Variants in CLNK observed in about 807,000 individuals in gnomAD.
CLNK encodes the protein cytokine dependent hematopoietic cell linker.
CLNK carries 74 observed loss-of-function variants against 68.6 expected under a neutral mutation model. The ratio of observed to expected loss-of-function variants is 1.08; its 90% CI spans 0.89 to 1.31. The LOEUF (loss-of-function observed/expected upper bound fraction) is 1.31. CLNK is among the 50% of genes most tolerant of loss of function. The pLI is 0.00. For synonymous variants in CLNK, 198 were observed against 172.2 expected, an observed-to-expected ratio of 1.15 and a Z score of -1.17; for missense variants, 553 against 515.3, an observed-to-expected ratio of 1.07 and a Z score of -0.71.
chr4:10,491,710 G>A (rs1381750372), intron 18 of CLNK, among the ~76,000 whole-genome samples: 5 of 152,140 alleles, frequency 3.3e-5, no homozygotes, highest in Non-Finnish European at 7.4e-5. Flanking sequence ...ATTAAAAGCA[G>A]AGAATGTACA....
intron 15 of CLNK, among the ~76,000 whole-genome samples, chr4:10,516,842 C>T (rs942617369): frequency 3.3e-5 from 5 of 152,162 alleles, no homozygotes; most frequent in Admixed American, 2.0e-4. Flanking sequence ...TGAGCCACCA[C>T]GCCTGGCCAG....
intron 13 of CLNK, among the ~76,000 whole-genome samples, chr4:10,527,312 G>A (rs962867736): frequency 2.0e-5 from 3 of 152,164 alleles, no homozygotes; most frequent in Non-Finnish European, 4.4e-5. Context: ...GACCCATGGG[G>A]AATCCATAAA....
intron 15 of CLNK, among the ~76,000 whole-genome samples, chr4:10,519,883 C>T (rs373218988): frequency 2.9e-4 from 44 of 152,086 alleles, no homozygotes; most frequent in African/African-American, 9.6e-4. Flanking sequence ...AACATTACTA[C>T]TTGAATTTTA....
At chr4:10,589,819 T>G (rs1721119050) in intron 3 of CLNK, among the ~76,000 whole-genome samples, 1 of 152,224 alleles carries the variant, frequency 6.6e-6, no homozygotes, top group Admixed American at 6.5e-5. Flanking sequence ...GCTAGCAAAC[T>G]TCGTGGAGAT....
chr4:10,633,821 C>A (rs1038624196), intron 2 of CLNK, among the ~76,000 whole-genome samples: 1 of 152,238 alleles, frequency 6.6e-6, no homozygotes, highest in African/African-American at 2.4e-5. Flanking sequence ...CTTTCACATA[C>A]AATATTTCAT....
chr4:10,570,262 C>T (rs1577136620), intron 5 of CLNK, among the ~76,000 whole-genome samples: 1 of 152,160 alleles, frequency 6.6e-6, no homozygotes, highest in African/African-American at 2.4e-5. Flanking sequence ...TCCAACTTTC[C>T]ACCCAATACC....
chr4:10,559,905 A>G (rs951562391), intron 7 of CLNK, among the ~76,000 whole-genome samples: 20 of 152,164 alleles, frequency 1.3e-4, no homozygotes, highest in African/African-American at 4.3e-4. Flanking sequence ...GGGTTGGAAA[A>G]TTCTTGTGCC....
chr4:10,593,282 G>GCAGCGGTTATGGC (rs1214203592), intron 3 of CLNK, among the ~76,000 whole-genome samples: 2 of 152,056 alleles, frequency 1.3e-5, no homozygotes, highest in African/African-American at 2.4e-5. Flanking sequence ...AGGAGAGCGG[G>GCAGCGGTTATGGC]CAGCGGTTAT....
At chr4:10,697,005 C>T in the CLNK span, 1 of 152,204 alleles carries the variant, frequency 6.6e-6, no homozygotes, top group Admixed American at 6.5e-5. Context: ...AGTCTGAGAA[C>T]ATGCAGTCTA....
the CLNK span, among the ~76,000 whole-genome samples, chr4:10,712,977 A>C: frequency 2.0e-5 from 3 of 152,162 alleles, no homozygotes; most frequent in South Asian, 6.2e-4. Context: ...AGTAGCCCCC[A>C]TTCCCTGGCC....
chr4:10,699,192 G>T, the CLNK span, among the ~76,000 whole-genome samples: 1 of 34,630 alleles, frequency 2.9e-5, no homozygotes, highest in Non-Finnish European at 7.1e-5. Flanking sequence ...CTCTCTCTCT[G>T]TCTCTTAAAC....
upstream of CLNK, among the ~76,000 whole-genome samples, chr4:10,685,951 T>C (rs1227211156): frequency 1.3e-5 from 2 of 152,224 alleles, no homozygotes; most frequent in Admixed American, 6.5e-5. Flanking sequence ...ACTTGCTCAC[T>C]TCTTTTGGTC....
At chr4:10,601,458 C>A (rs755323042) in intron 2 of CLNK, among the ~76,000 whole-genome samples, 9 of 152,220 alleles carry the variant, frequency 5.9e-5, no homozygotes, top group African/African-American at 9.6e-5. Context: ...GAGCAACAAG[C>A]ATTACCAGGT....
At chr4:10,533,107 G>A (rs4698063) in intron 11 of CLNK, among the ~76,000 whole-genome samples, 108,890 of 151,850 alleles carry the variant, frequency 0.72, 39,120 homozygotes, top group East Asian at 0.77. Context: ...AAAATACAAA[G>A]ATTAGCCGGG....
upstream of CLNK, among the ~76,000 whole-genome samples, chr4:10,689,319 G>A (rs1390485666): frequency 6.6e-6 from 1 of 152,022 alleles, no homozygotes; most frequent in East Asian, 1.9e-4. Flanking sequence ...TAGTTTTGTA[G>A]AGATGGGATC....
chr4:10,612,375 G>A (rs1722064305), intron 2 of CLNK, among the ~76,000 whole-genome samples: 1 of 152,210 alleles, frequency 6.6e-6, no homozygotes. Flanking sequence ...GCCTGTGAAA[G>A]ATCCCACGTC....
rs1716506528 is a variant in CLNK, at chr4:10,490,164, T to C, written c.*303A>G. 2 of 273,788 alleles carry C rather than the reference T, an allele frequency of 7.3e-6. No homozygotes were observed. The highest frequency in any genetic ancestry group is 8.3e-5 in the East Asian group (1 of 12,088). 17.0% of individuals were successfully genotyped at this position (273,788 alleles called of 1,614,324 possible). On this transcript the variant is annotated 3_prime_UTR_variant, in exon 19 of 19. Coordinates refer to ENST00000226951, the MANE Select transcript of CLNK (RefSeq NM_052964.4). ...GCCTGTATCATGAGCATAATGGCTATGTTTATAGTATTTTTTGTTGTTGTT... is the reference window on the plus strand; with the variant it reads ...GCCTGTATCATGAGCATAATGGCTACGTTTATAGTATTTTTTGTTGTTGTT...
chr4:10,502,397 C>G (rs146984427), intron 17 of CLNK, among the ~76,000 whole-genome samples: 1 of 151,962 alleles, frequency 6.6e-6, no homozygotes, highest in Non-Finnish European at 1.5e-5. Context: ...GGGGAAACTG[C>G]CCCCAAGATC....
intron 11 of CLNK, among the ~76,000 whole-genome samples, chr4:10,534,371 A>AT (rs1393186691): frequency 2.6e-5 from 4 of 152,110 alleles, no homozygotes; most frequent in African/African-American, 9.7e-5. Context: ...TTTTTTTCAC[A>AT]TTTTTTCCTA....
Sources: allele counts gnomAD v4.1 joint callset (sites outside exome capture counted in the v4.1 genomes callset), GRCh38; gene constraint gnomAD v4.1.1; transcripts MANE v1.5; gene names NCBI Gene and HGNC (gene_info 2026-07-23, HGNC 2026-07-21).